ACP7: variants seen among roughly 807,000 people sequenced by gnomAD.
ACP7 encodes acid phosphatase type 7.
Under a neutral mutation model 60.6 loss-of-function variants are expected in ACP7, and 58 were observed. The ratio of observed to expected loss-of-function variants is 0.96; its 90% CI spans 0.77 to 1.19. ACP7 has a LOEUF of 1.19. Ranked by LOEUF, ACP7 falls within the 50% of genes most tolerant of loss-of-function variation. The pLI is 0.00. For synonymous variants in ACP7, 237 were observed against 232.6 expected (o/e 1.02, Z -0.17); for missense variants, 574 against 596.2 (o/e 0.96, Z 0.39).
chr19:39,091,424 GTGCT>G (rs1322861049), intron 2 of ACP7, among the ~76,000 whole-genome samples: 1 of 151,950 alleles, frequency 6.6e-6, no homozygotes, highest in East Asian at 1.9e-4. Context: ...GCCTCCCAAA[GTGCT>G]GGGATTACAG....
rs570504246 is a variant in ACP7 at position 39,092,361 on chromosome 19, C to T, written c.122-6097C>T. On this transcript the variant is annotated intron_variant, in intron 2 of 12. Coordinates refer to ENST00000331256, the MANE Select transcript of ACP7 (RefSeq NM_001004318.3). Reference sequence around the variant, plus strand: ...TGCACTCCAGCCTTGGCAACAAGTGCGAAACTCTGTATATATATATATATA... The same window carrying T: ...TGCACTCCAGCCTTGGCAACAAGTGTGAAACTCTGTATATATATATATATA... 3.4e-3 allele frequency among the ~76,000 whole-genome samples: 394 copies of T among 117,328 alleles called. 3 individuals are homozygous for T. Among genetic ancestry groups the T allele is most frequent in the African/African-American group, 0.014 (371 of 26,042 alleles). The allele number at this position is 117,328 out of a possible 152,430, so 77.0% of individuals were successfully genotyped here.
chr19:39,098,809 G>T, intron 3 of ACP7, 151 bp downstream of exon 3: 1 of 1,356,724 alleles, frequency 7.4e-7, no homozygotes, highest in East Asian at 2.5e-5. Flanking sequence ...GGATGAAAAC[G>T]GAAGGTGCCG....
intron 2 of ACP7, among the ~76,000 whole-genome samples, chr19:39,096,571 C>T (rs919292396): frequency 5.9e-5 from 9 of 152,160 alleles, no homozygotes; most frequent in East Asian, 1.9e-4. Flanking sequence ...CTAAACTTTC[C>T]GACCTCTGTC....
chr19:39,096,090 TC>T (rs1041641257), intron 2 of ACP7, among the ~76,000 whole-genome samples: 2 of 152,190 alleles, frequency 1.3e-5, no homozygotes, highest in Admixed American at 6.5e-5. Context: ...GGAGATATTT[TC>T]CCCATTGTCT....
Position 39,110,111 on chromosome 19 carries a change from A to G in ACP7, c.1310A>G (p.Tyr437Cys), listed in dbSNP as rs1341981881. Residue 437 changes from tyrosine to cysteine, a missense_variant, in exon 13 of 13, where the codon TAC becomes TGC. Tyr to Cys is a radical substitution (Grantham distance 194). Transcript: ENST00000331256. ...VVRPLFGRRMYL is the reference protein window; with the variant it reads ...VVRPLFGRRMCL ...AGACCCCTGTTTGGCCGGAGGATGT[A>G]CCTCTAGGGATGGCGGCAGCTCTCC... 2.5e-6 allele frequency: 4 copies of G among 1,613,114 alleles called. No individual in the cohort carries two copies. The highest frequency in any genetic ancestry group is 1.7e-5 in the Admixed American group (1 of 59,982).
Position 39,088,711 on chromosome 19 carries a change from C to T in ACP7, c.121+3321C>T, listed in dbSNP as rs2073170909. 2.7e-5 allele frequency among the ~76,000 whole-genome samples: 4 copies of T among 148,110 alleles called. No homozygotes were observed. In the South Asian group the frequency reaches 8.6e-4, roughly 32 times the overall value. On this transcript the variant is annotated intron_variant, in intron 2 of 12. Coordinates refer to ENST00000331256, the MANE Select transcript of ACP7 (RefSeq NM_001004318.3). Reference sequence around the variant, plus strand: ...GAATGCCGGCAGGCTAGCTCAGAAGCCCACGATCTTTGTGGGTTTGTTTGT... The same window carrying T: ...GAATGCCGGCAGGCTAGCTCAGAAGTCCACGATCTTTGTGGGTTTGTTTGT...
rs1028469319 is a variant in ACP7, at chr19:39,111,092, G to C, written c.*974G>C. On this transcript the variant is annotated 3_prime_UTR_variant, in exon 13 of 13. Coordinates refer to ENST00000331256, the MANE Select transcript of ACP7 (RefSeq NM_001004318.3). ...GAAGGAGCCAAGTGGGCAGACATCT[G>C]GGGGAAGAGCATTCCAGGCAGAGGA... The C allele has an allele frequency of 3.9e-5, 6 of 152,268 alleles. No individual in the cohort carries two copies. Among genetic ancestry groups the C allele is most frequent in the African/African-American group, 1.2e-4 (5 of 41,434 alleles). The allele number at this position is 152,268 out of a possible 1,614,324, so 9.4% of individuals were successfully genotyped here.
intron 11 of ACP7, among the ~76,000 whole-genome samples, chr19:39,102,715 T>TTTTCTTTCTTTC (rs199915190): frequency 0.062 from 7,318 of 117,818 alleles, 333 homozygotes; most frequent in African/African-American, 0.089. Context: ...CAATGAAGAC[T>TTTTCTTTCTTTC]TTTCTTTCTT....
chr19:39,084,855 C>T (rs1429500131), intron 1 of ACP7, among the ~76,000 whole-genome samples: 4 of 152,022 alleles, frequency 2.6e-5, no homozygotes, highest in African/African-American at 9.7e-5. Context: ...TGGAATCAGG[C>T]CCTCCTGGGT....
chr19:39,085,533 A>G, intron 2 of ACP7, 143 bp downstream of exon 2: 1 of 1,180,784 alleles, frequency 8.5e-7, no homozygotes, highest in South Asian at 1.7e-5. Flanking sequence ...CCTCTGTGGA[A>G]TAGGAAGTAC....
Position 39,102,767 on chromosome 19 carries a change from C to CTTTCTTTCTTTTTCTTTCTT in ACP7, c.1113+1231_1113+1232insTTCTTTCTTTTTCTTTCTTT, listed in dbSNP as rs754172891. On this transcript the variant is annotated intron_variant, in intron 11 of 12. Transcript: ENST00000331256. Reference sequence around the variant, plus strand: ...TCTTTCTTTCTTTCTTTCTTTCTTTCTCTCTCTCTCTCTTTCTCTCTCTCT... The same window carrying CTTTCTTTCTTTTTCTTTCTT: ...TCTTTCTTTCTTTCTTTCTTTCTTTCTTTCTTTCTTTTTCTTTCTTTCTCTCTCTCTCTTTCTCTCTCTCT... Among the ~76,000 whole-genome samples, 3 of 101,054 alleles carry CTTTCTTTCTTTTTCTTTCTT rather than the reference C, an allele frequency of 3.0e-5. No homozygotes were observed. In the East Asian group the frequency reaches 9.9e-4, roughly 33 times the overall value. The allele number at this position is 101,054 out of a possible 152,430, so 66.3% of individuals were successfully genotyped here. A position where few individuals can be genotyped will look rare whatever the true frequency, so the allele number is the denominator to read the frequency against.
chr19:39,100,809 C>T lies in ACP7; in HGVS notation c.763C>T (p.His255Tyr). The T allele has an allele frequency of 6.2e-7, 1 of 1,614,022 alleles. No homozygotes were observed. Among genetic ancestry groups the T allele is most frequent in the Non-Finnish European group, 8.5e-7 (1 of 1,180,002 alleles). Residue 255 changes from histidine to tyrosine, a missense_variant, in exon 7 of 13, where the codon CAC (histidine) becomes TAC (tyrosine). His to Tyr is a moderately conservative substitution (Grantham distance 83). Coordinates refer to ENST00000331256, the MANE Select transcript of ACP7 (RefSeq NM_001004318.3). ...EVYFFLHYGR[H>Y]LVQRQFRWLE... ...CTATTTCTTTCTCCATTATGGCCGC[C>T]ACTTGGTACAGAGGCAGTTTCGCTG...
At chr19:39,107,445 G>T (rs1035904141) in intron 12 of ACP7, among the ~76,000 whole-genome samples, 1 of 151,714 alleles carries the variant, frequency 6.6e-6, no homozygotes, top group Non-Finnish European at 1.5e-5. Flanking sequence ...TTAGCCAGGC[G>T]TGGTGGCAGG....
Position 39,092,370 on chromosome 19 carries a change from G to GTATA in ACP7, c.122-6067_122-6064dup, listed in dbSNP as rs59033785. Reference sequence around the variant, plus strand: ...GCCTTGGCAACAAGTGCGAAACTCTGTATATATATATATATATATATATAG... The same window carrying GTATA: ...GCCTTGGCAACAAGTGCGAAACTCTGTATATATATATATATATATATATATATAG... On this transcript the variant is annotated intron_variant, in intron 2 of 12. Transcript: ENST00000331256. Among the ~76,000 whole-genome samples, 1,188 of 149,198 alleles carry GTATA rather than the reference G, an allele frequency of 8.0e-3. 8 individuals carry two copies. The highest frequency in any genetic ancestry group is 0.011 in the Non-Finnish European group (758 of 67,116).
At chr19:39,095,488 G>A (rs1488777100) in intron 2 of ACP7, among the ~76,000 whole-genome samples, 4 of 152,246 alleles carry the variant, frequency 2.6e-5, no homozygotes, top group African/African-American at 9.6e-5. Context: ...TCCCATGGTT[G>A]TGGGCAGCTC....
intron 2 of ACP7, among the ~76,000 whole-genome samples, chr19:39,090,006 C>T (rs973700657): frequency 1.3e-5 from 2 of 152,044 alleles, no homozygotes; most frequent in Non-Finnish European, 2.9e-5. Context: ...AATGCAAATC[C>T]CATTTCTCCT....
chr19:39,090,155 A>C (rs538599005), intron 2 of ACP7, among the ~76,000 whole-genome samples: 1 of 150,942 alleles, frequency 6.6e-6, no homozygotes, highest in East Asian at 1.9e-4. Context: ...TTTTCTTTTT[A>C]AATTTTATAA....
intron 2 of ACP7, 42 bp downstream of exon 2, chr19:39,085,432 C>T: frequency 1.9e-6 from 3 of 1,558,752 alleles, no homozygotes; most frequent in South Asian, 2.4e-5. Context: ...ACCAGAGAGG[C>T]CCAGCGGTGC....
At chr19:39,098,696 G>A (rs1402931621) in intron 3 of ACP7, 38 bp downstream of exon 3, 1 of 1,564,664 alleles carries the variant, frequency 6.4e-7, no homozygotes, top group Admixed American at 1.8e-5. Flanking sequence ...GAGGAGGAGT[G>A]GGAAGAGGAG....
Sources: allele counts gnomAD v4.1 joint callset (sites outside exome capture counted in the v4.1 genomes callset), GRCh38; gene constraint gnomAD v4.1.1; transcripts MANE v1.5; gene names NCBI Gene and HGNC (gene_info 2026-07-23, HGNC 2026-07-21).